The following SNTG2 variants were observed in gnomAD, a reference collection of about 807,000 sequenced individuals.
SNTG2 encodes the protein gamma-2-syntrophin.
In SNTG2, 74 loss-of-function variants were observed where a neutral mutation model predicts 70.9. The observed-to-expected ratio is 1.04, with a 90% CI of 0.86 to 1.27. The LOEUF (loss-of-function observed/expected upper bound fraction) is 1.27, where lower values mean the gene tolerates loss of function less well. SNTG2 is among the 50% of genes most tolerant of loss of function. The pLI, the probability that SNTG2 is intolerant of heterozygous loss-of-function variation, is 0.00. For synonymous variants in SNTG2, 278 were observed against 273.8 expected (o/e 1.02, Z -0.15); for missense variants, 717 against 690.7 (o/e 1.04, Z -0.43).
chr2:1,295,773 T>C (rs1222007830), intron 14 of SNTG2, among the ~76,000 whole-genome samples: 61 of 120,054 alleles, frequency 5.1e-4, no homozygotes, highest in South Asian at 1.2e-3. Context: ...CTGAGTCTCC[T>C]GTATTGGGGT....
intron 9 of SNTG2, among the ~76,000 whole-genome samples, chr2:1,223,576 C>T (rs1182642877): frequency 1.3e-5 from 2 of 152,194 alleles, no homozygotes; most frequent in Non-Finnish European, 2.9e-5. Flanking sequence ...CTGGCACCCT[C>T]CCCATTACAA....
intron 12 of SNTG2, among the ~76,000 whole-genome samples, chr2:1,250,476 T>C (rs927303156): frequency 2.0e-5 from 3 of 152,122 alleles, no homozygotes; most frequent in African/African-American, 7.2e-5. Context: ...TGACTCTCTC[T>C]GTGTCTCTTC....
chr2:1,355,373 A>C lies in SNTG2; in HGVS notation c.1489-11970A>C, dbSNP rs548034882. ...CGTGTCCCCAGCTCCTGCCCCTGGC[A>C]GCCCCATGCTACTCCCCCTTCTGAG... On this transcript the variant is annotated intron_variant, in intron 16 of 16. Coordinates refer to ENST00000308624, the MANE Select transcript of SNTG2 (RefSeq NM_018968.4). Among the ~76,000 whole-genome samples the C allele has an allele frequency of 1.2e-3, 186 of 152,270 alleles. 2 individuals are homozygous for C. Among genetic ancestry groups the C allele is most frequent in the Non-Finnish European group, 2.1e-3 (144 of 68,020 alleles).
chr2:1,115,172 G>A (rs1431430494), intron 4 of SNTG2, among the ~76,000 whole-genome samples: 1 of 150,922 alleles, frequency 6.6e-6, no homozygotes, highest in Non-Finnish European at 1.5e-5. Flanking sequence ...TGCCAAGTGA[G>A]GTTTAACCCT....
intron 1 of SNTG2, among the ~76,000 whole-genome samples, chr2:963,228 G>A (rs6724289): frequency 0.43 from 65,959 of 151,770 alleles, 14,824 homozygotes; most frequent in Middle Eastern, 0.55. Flanking sequence ...TCACAAAATA[G>A]GTACTTTTGA....
chr2:1,035,177 A>C (rs1233904302), intron 1 of SNTG2, among the ~76,000 whole-genome samples: 1 of 152,238 alleles, frequency 6.6e-6, no homozygotes, highest in African/African-American at 2.4e-5. Context: ...GAGAACAAAG[A>C]TACAACAATC....
At chr2:967,348 C>T (rs182068395) in intron 1 of SNTG2, among the ~76,000 whole-genome samples, 9 of 152,076 alleles carry the variant, frequency 5.9e-5, no homozygotes, top group East Asian at 1.9e-4. Context: ...AAAATGTCAC[C>T]GTATGTACTT....
chr2:1,227,050 G>A (rs1312174620), intron 9 of SNTG2, among the ~76,000 whole-genome samples: 4 of 152,238 alleles, frequency 2.6e-5, no homozygotes, highest in Non-Finnish European at 5.9e-5. Flanking sequence ...GAGGTGCGAT[G>A]TATAAGTGTC....
At position 1,353,729 on chromosome 2, in the gene SNTG2, C is replaced by T; in HGVS notation, c.1489-13614C>T. On this transcript the variant is annotated intron_variant, in intron 16 of 16. Transcript: ENST00000308624. This position sits in a 1 kb window ranked among gnomAD's most constrained non-coding sequence, Gnocchi z 4.2. ...TGGGAAAACTAAGAACCCAGGATGG[C>T]TGCTCATCGGAGGGGCCAGTCATCT... The T allele has an allele frequency of 6.6e-6, 1 of 152,212 alleles. No homozygotes were observed. The highest frequency in any genetic ancestry group is 1.9e-4 in the East Asian group (1 of 5,184). The allele number at this position is 152,212 out of a possible 1,614,324, so 9.4% of individuals were successfully genotyped here.
chr2:1,353,037 T>C lies in SNTG2; in HGVS notation c.1489-14306T>C, dbSNP rs1315509752. Among the ~76,000 whole-genome samples, 1 of 152,120 alleles carries C rather than the reference T, an allele frequency of 6.6e-6. No individual in the cohort carries two copies. The highest frequency in any genetic ancestry group is 1.5e-5 in the Non-Finnish European group (1 of 67,996). On this transcript the variant is annotated intron_variant, in intron 16 of 16. Transcript: ENST00000308624. The surrounding 1 kb of genome is among the most constrained non-coding windows in gnomAD (Gnocchi z 4.2). Reference sequence around the variant, plus strand: ...CTCCCGGCTGCACAGTTGCCCAGCGTGTTCCTGTGCTGTGTCTGGCTCACC... The same window carrying C: ...CTCCCGGCTGCACAGTTGCCCAGCGCGTTCCTGTGCTGTGTCTGGCTCACC...
At chr2:1,156,186 C>A (rs1669884822) in intron 6 of SNTG2, among the ~76,000 whole-genome samples, 8 of 152,132 alleles carry the variant, frequency 5.3e-5, no homozygotes, top group Admixed American at 5.2e-4. Flanking sequence ...AAGGACTACT[C>A]TGAAGGGAAG....
chr2:1,330,081 T>A (rs905294050), intron 16 of SNTG2, among the ~76,000 whole-genome samples: 1 of 152,156 alleles, frequency 6.6e-6, no homozygotes, highest in East Asian at 1.9e-4. Flanking sequence ...GGAAGCTCTA[T>A]CTTTGTACAC....
intron 1 of SNTG2, among the ~76,000 whole-genome samples, chr2:985,489 C>T (rs1661275584): frequency 6.6e-6 from 1 of 152,150 alleles, no homozygotes; most frequent in African/African-American, 2.4e-5. Context: ...AGAGGGCCTG[C>T]AGCTCCCCAG....
At chr2:955,118 A>G (rs1006130883) in intron 1 of SNTG2, among the ~76,000 whole-genome samples, 4 of 152,230 alleles carry the variant, frequency 2.6e-5, no homozygotes, top group African/African-American at 7.2e-5. Flanking sequence ...CTAAACTGCT[A>G]AGTTTTAATT....
intron 1 of SNTG2, among the ~76,000 whole-genome samples, chr2:1,062,616 A>T (rs916608667): frequency 6.6e-6 from 1 of 152,240 alleles, no homozygotes; most frequent in Admixed American, 6.5e-5. Context: ...AAATAAGAAA[A>T]TGTATTGGGC....
intron 8 of SNTG2, among the ~76,000 whole-genome samples, chr2:1,204,322 A>G (rs566765931): frequency 2.0e-5 from 3 of 152,338 alleles, no homozygotes; most frequent in South Asian, 2.1e-4. Context: ...CAGTTCAGTT[A>G]CAAACAAAAA....
intron 9 of SNTG2, among the ~76,000 whole-genome samples, chr2:1,219,276 C>T (rs1236746706): frequency 1.3e-5 from 2 of 152,216 alleles, no homozygotes; most frequent in African/African-American, 2.4e-5. Context: ...CAGCAGATGT[C>T]GCCATGCTTC....
At chr2:1,250,618 A>G (rs1372365352) in intron 12 of SNTG2, among the ~76,000 whole-genome samples, 1 of 133,082 alleles carries the variant, frequency 7.5e-6, no homozygotes, top group Non-Finnish European at 1.6e-5. Context: ...ATTTCTCTCT[A>G]TCTCTGCCTT....
intron 1 of SNTG2, among the ~76,000 whole-genome samples, chr2:1,035,617 C>A (rs960810312): frequency 6.6e-6 from 1 of 152,108 alleles, no homozygotes; most frequent in African/African-American, 2.4e-5. Context: ...GCTATATCTT[C>A]TTGATTTATT....
Sources: gnomAD v4.1 joint callset for allele counts (sites outside exome capture counted in the v4.1 genomes callset) on GRCh38, gnomAD v4.1.1 for gene constraint, Gnocchi (gnomAD v3.1) non-coding constraint, MANE v1.5 for transcripts, NCBI Gene and HGNC (gene_info 2026-07-23, HGNC 2026-07-21) for gene names.